The following DGKB variants were observed in gnomAD, a reference collection of about 807,000 sequenced individuals.
DGKB encodes 90 kDa diacylglycerol kinase.
DGKB carries 67 observed loss-of-function variants against 114.3 expected under a neutral mutation model. That is an observed-to-expected ratio of 0.59 (90% CI 0.48 to 0.72). The LOEUF (loss-of-function observed/expected upper bound fraction) is 0.72, where lower values mean the gene tolerates loss of function less well. Ranked by LOEUF, DGKB falls within the 30% of genes least tolerant of loss-of-function variation. DGKB has a pLI of 0.00. For missense variants in DGKB, 907 were observed against 975.2 expected, an observed-to-expected ratio of 0.93 and a Z score of 0.93; for synonymous variants, 398 against 323.1, an observed-to-expected ratio of 1.23 and a Z score of -2.49.
At chr7:14,356,926 T>C (rs1359709161) in intron 21 of DGKB, among the ~76,000 whole-genome samples, 1 of 152,240 alleles carries the variant, frequency 6.6e-6, no homozygotes, top group Non-Finnish European at 1.5e-5. Context: ...AGTTTCTTAA[T>C]CCTGAGTTCT....
At chr7:14,836,944 A>G (rs568917693) in intron 2 of DGKB, among the ~76,000 whole-genome samples, 3 of 152,298 alleles carry the variant, frequency 2.0e-5, no homozygotes, top group South Asian at 2.1e-4. Context: ...ATCATCAACA[A>G]TATGTTCAAA....
chr7:14,265,499 C>T (rs1229036297), intron 23 of DGKB, among the ~76,000 whole-genome samples: 3 of 151,922 alleles, frequency 2.0e-5, no homozygotes, highest in Non-Finnish European at 4.4e-5. Flanking sequence ...TACATCCCTT[C>T]CTTGGCCAGG....
At chr7:14,753,414 G>C (rs1444653786) in intron 4 of DGKB, among the ~76,000 whole-genome samples, 4 of 152,128 alleles carry the variant, frequency 2.6e-5, no homozygotes, top group African/African-American at 9.7e-5. Context: ...GAGAGTGGTT[G>C]AAGCAACAGA....
chr7:14,950,873 A>G (rs1786160593), intron 1 of DGKB, among the ~76,000 whole-genome samples: 1 of 151,970 alleles, frequency 6.6e-6, no homozygotes, highest in Non-Finnish European at 1.5e-5. Flanking sequence ...AATCCAGTAA[A>G]ACAGAAAGTT....
chr7:14,711,669 A>C (rs1477717838), intron 6 of DGKB, among the ~76,000 whole-genome samples: 12 of 152,162 alleles, frequency 7.9e-5, no homozygotes, highest in African/African-American at 2.9e-4. Flanking sequence ...AGAGGAGAAG[A>C]AGCATAGATT....
chr7:14,644,909 C>G (rs1812615939), intron 13 of DGKB, among the ~76,000 whole-genome samples: 1 of 152,136 alleles, frequency 6.6e-6, no homozygotes, highest in Non-Finnish European at 1.5e-5. Flanking sequence ...AGGGGACAGA[C>G]AAATTCCTAG....
chr7:14,334,519 G>C (rs1239665131), intron 23 of DGKB, among the ~76,000 whole-genome samples: 6 of 151,720 alleles, frequency 4.0e-5, no homozygotes, highest in Non-Finnish European at 5.9e-5. Flanking sequence ...TTAATGATTT[G>C]AGAACTGTTA....
chr7:14,252,449 A>ATAGAC (rs1304343134), intron 23 of DGKB, among the ~76,000 whole-genome samples: 1 of 152,146 alleles, frequency 6.6e-6, no homozygotes, highest in African/African-American at 2.4e-5. Flanking sequence ...TTCAGTCCTC[A>ATAGAC]TAGACTACTC....
rs561643766 is a variant in DGKB at position 14,321,074 on chromosome 7, T to C, written c.2122+17441A>G. Among the ~76,000 whole-genome samples the C allele has an allele frequency of 8.5e-5, 13 of 152,238 alleles. No homozygotes were observed. In the East Asian group the frequency reaches 2.5e-3, roughly 29 times the overall value. ...GGGAGGATGAGGCGGGCGGATGACT[T>C]GAGCCCAGGAGTTTGAGACCATTCT... On this transcript the variant is annotated intron_variant, in intron 23 of 25. Transcript: ENST00000402815.
At chr7:14,689,522 G>A (rs1822441872) in intron 9 of DGKB, among the ~76,000 whole-genome samples, 1 of 152,146 alleles carries the variant, frequency 6.6e-6, no homozygotes, top group South Asian at 2.1e-4. Context: ...TGGGCAAAGA[G>A]AATGCAGAGA....
intron 1 of DGKB, among the ~76,000 whole-genome samples, chr7:14,850,284 G>A (rs982826253): frequency 1.4e-4 from 21 of 152,178 alleles, no homozygotes; most frequent in African/African-American, 4.8e-4. Context: ...GAGTATGATT[G>A]TGAGAAGCAG....
intron 20 of DGKB, among the ~76,000 whole-genome samples, chr7:14,522,830 T>G (rs1790006275): frequency 6.6e-6 from 1 of 152,188 alleles, no homozygotes. Context: ...TTCGACTGCT[T>G]GATTTATACA....
At chr7:14,298,661 G>A (rs1802991267) in intron 23 of DGKB, among the ~76,000 whole-genome samples, 1 of 152,122 alleles carries the variant, frequency 6.6e-6, no homozygotes. Context: ...AACACCAAAA[G>A]CAATGGCAAC....
At chr7:14,418,194 A>T (rs1483886323) in intron 21 of DGKB, among the ~76,000 whole-genome samples, 2 of 130,556 alleles carry the variant, frequency 1.5e-5, no homozygotes, top group Non-Finnish European at 3.2e-5. Context: ...AATATAAAAA[A>T]TTTTATATTT....
chr7:14,186,636 A>T (rs112293610), intron 23 of DGKB, among the ~76,000 whole-genome samples: 2 of 151,994 alleles, frequency 1.3e-5, no homozygotes, highest in Non-Finnish European at 2.9e-5. Context: ...CATCAATCAA[A>T]GAGTGGATAA....
At chr7:14,784,921 T>A (rs1839665254) in intron 2 of DGKB, among the ~76,000 whole-genome samples, 1 of 152,140 alleles carries the variant, frequency 6.6e-6, no homozygotes, top group Non-Finnish European at 1.5e-5. Context: ...TGAAATACTT[T>A]TCAATATGTC....
chr7:14,437,060 T>A (rs1829389200), intron 21 of DGKB, among the ~76,000 whole-genome samples: 1 of 152,132 alleles, frequency 6.6e-6, no homozygotes, highest in African/African-American at 2.4e-5. Flanking sequence ...TTATGTGTTT[T>A]AGCAGTAAAG....
chr7:14,728,172 G>A lies in DGKB; in HGVS notation c.322+7869C>T, dbSNP rs114680679. Among the ~76,000 whole-genome samples, 797 of 152,248 alleles carry A rather than the reference G, an allele frequency of 5.2e-3. 7 individuals carry two copies. The highest frequency in any genetic ancestry group is 0.018 in the African/African-American group (737 of 41,536). On this transcript the variant is annotated intron_variant, in intron 5 of 25. Coordinates refer to ENST00000402815, the MANE Select transcript of DGKB (RefSeq NM_001350709.2). ...TCAAACAAGCAATGGGAGAGTTGGGGACCAATGATAAGGCATCTAATTTTT... is the reference window on the plus strand; with the variant it reads ...TCAAACAAGCAATGGGAGAGTTGGGAACCAATGATAAGGCATCTAATTTTT...
chr7:14,428,904 A>G (rs1000847428), intron 21 of DGKB, among the ~76,000 whole-genome samples: 1 of 152,022 alleles, frequency 6.6e-6, no homozygotes, highest in Non-Finnish European at 1.5e-5. Context: ...TTTACTAAGG[A>G]CTCTTTGTAA....
Sources: gnomAD v4.1 joint callset for allele counts (sites outside exome capture counted in the v4.1 genomes callset) on GRCh38, gnomAD v4.1.1 for gene constraint, MANE v1.5 for transcripts, NCBI Gene and HGNC (gene_info 2026-07-23, HGNC 2026-07-21) for gene names.